The following CNTNAP2 variants were observed in gnomAD, a reference collection of about 807,000 sequenced individuals.
The protein encoded by CNTNAP2 is contactin associated protein 2, also known as contactin-associated protein-like 2.
Under a neutral mutation model 155.2 loss-of-function variants are expected in CNTNAP2, and 98 were observed. The observed-to-expected ratio is 0.63, with a 90% CI of 0.54 to 0.75. CNTNAP2 has a LOEUF of 0.75. Ranked by LOEUF, CNTNAP2 falls within the 30% of genes least tolerant of loss-of-function variation. The pLI, the probability that CNTNAP2 is intolerant of heterozygous loss-of-function variation, is 0.00. For synonymous variants in CNTNAP2, 651 were observed against 631.2 expected (o/e 1.03, Z -0.47); for missense variants, 1,727 against 1,688.1 (o/e 1.02, Z -0.40).
At chr7:147,626,166 A>G (rs1794971466) in intron 12 of CNTNAP2, among the ~76,000 whole-genome samples, 1 of 152,064 alleles carries the variant, frequency 6.6e-6, no homozygotes, top group Non-Finnish European at 1.5e-5. Context: ...TCTCAGGTGA[A>G]GTCCAGGAGA....
At chr7:146,475,462 A>G (rs1249305403) in intron 1 of CNTNAP2, among the ~76,000 whole-genome samples, 5 of 152,214 alleles carry the variant, frequency 3.3e-5, no homozygotes, top group Non-Finnish European at 7.3e-5. Flanking sequence ...TAGGCAGAAA[A>G]AAATATAGAG....
chr7:146,541,081 T>C (rs2129141033), intron 1 of CNTNAP2, among the ~76,000 whole-genome samples: 1 of 152,118 alleles, frequency 6.6e-6, no homozygotes, highest in African/African-American at 2.4e-5. Context: ...TTTCAGAACA[T>C]ACTGAAACAG....
intron 8 of CNTNAP2, among the ~76,000 whole-genome samples, chr7:147,142,699 A>T (rs1801623137): frequency 6.6e-6 from 1 of 152,166 alleles, no homozygotes; most frequent in Non-Finnish European, 1.5e-5. Context: ...ACATGTATAC[A>T]TATGTAACTA....
chr7:147,475,854 A>C (rs1044901311), intron 10 of CNTNAP2, among the ~76,000 whole-genome samples: 16 of 152,206 alleles, frequency 1.1e-4, no homozygotes, highest in Non-Finnish European at 2.4e-4. Context: ...ATTGTCTTAC[A>C]TCATTTACTA....
chr7:146,353,373 A>G (rs540557800), intron 1 of CNTNAP2, among the ~76,000 whole-genome samples: 3 of 152,234 alleles, frequency 2.0e-5, no homozygotes, highest in African/African-American at 7.2e-5. Context: ...ATTATGGATC[A>G]TATTTCACTC....
chr7:146,291,343 T>C lies in CNTNAP2; in HGVS notation c.97+174370T>C, dbSNP rs574543788. 1.5e-4 allele frequency among the ~76,000 whole-genome samples: 23 copies of C among 152,204 alleles called. 1 individual carries two copies. The highest frequency in any genetic ancestry group is 1.5e-4 in the Non-Finnish European group (10 of 68,036). ...TTGAGCTAAAAATGATTTTTAAATT[T>C]ATAAATGATTGAAAGAATAAAAGGA... On this transcript the variant is annotated intron_variant, in intron 1 of 23. Coordinates refer to ENST00000361727, the MANE Select transcript of CNTNAP2 (RefSeq NM_014141.6).
At chr7:147,842,295 A>C (rs1253662723) in intron 13 of CNTNAP2, among the ~76,000 whole-genome samples, 1 of 152,254 alleles carries the variant, frequency 6.6e-6, no homozygotes, top group Admixed American at 6.5e-5. Flanking sequence ...ATAAGCAATT[A>C]GTCCCTTACA....
chr7:147,396,358 A>G (rs138254922), intron 10 of CNTNAP2, among the ~76,000 whole-genome samples: 2 of 151,848 alleles, frequency 1.3e-5, no homozygotes, highest in Admixed American at 6.6e-5. Context: ...TTCTGTCTCA[A>G]TCATGACTTG....
At chr7:146,458,559 A>G (rs1304402892) in intron 1 of CNTNAP2, among the ~76,000 whole-genome samples, 2 of 152,188 alleles carry the variant, frequency 1.3e-5, no homozygotes, top group African/African-American at 4.8e-5. Context: ...TAGATTTTAC[A>G]TATGTCCTAT....
chr7:146,959,290 C>G (rs1412601406), intron 3 of CNTNAP2, among the ~76,000 whole-genome samples: 3 of 152,182 alleles, frequency 2.0e-5, no homozygotes, highest in South Asian at 2.1e-4. Context: ...AGTGAGCCAC[C>G]GCGCCAGGCC....
At chr7:146,969,021 C>T (rs1165930176) in intron 3 of CNTNAP2, among the ~76,000 whole-genome samples, 4 of 149,630 alleles carry the variant, frequency 2.7e-5, no homozygotes, top group South Asian at 2.1e-4. Flanking sequence ...TCTTTGTTCT[C>T]GTTGGTTTCA....
intron 14 of CNTNAP2, among the ~76,000 whole-genome samples, chr7:147,939,153 T>A (rs893519772): frequency 5.9e-5 from 9 of 152,144 alleles, no homozygotes; most frequent in Admixed American, 2.0e-4. Flanking sequence ...AAAAAGATGT[T>A]CGCATAAACT....
intron 21 of CNTNAP2, among the ~76,000 whole-genome samples, chr7:148,365,101 C>T (rs1798713260): frequency 6.6e-6 from 1 of 152,196 alleles, no homozygotes; most frequent in Non-Finnish European, 1.5e-5. Flanking sequence ...AAGAACCCAC[C>T]AGTTCCGGAC....
intron 1 of CNTNAP2, among the ~76,000 whole-genome samples, chr7:146,328,841 A>C (rs919374349): frequency 6.6e-6 from 1 of 152,166 alleles, no homozygotes; most frequent in Non-Finnish European, 1.5e-5. Context: ...TGTCAGATTG[A>C]TCCATGTTGT....
chr7:148,054,631 C>CT (rs1802974410), intron 15 of CNTNAP2, among the ~76,000 whole-genome samples: 1 of 151,998 alleles, frequency 6.6e-6, no homozygotes, highest in Admixed American at 6.6e-5. Flanking sequence ...CAGAGGCCAA[C>CT]TCTTTTCCTT....
chr7:146,457,481 A>AATATATATAT (rs200909725), intron 1 of CNTNAP2, among the ~76,000 whole-genome samples: 2 of 87,308 alleles, frequency 2.3e-5, no homozygotes, highest in African/African-American at 1.0e-4. Flanking sequence ...TTCAAAAATG[A>AATATATATAT]ATATATATAT....
intron 1 of CNTNAP2, among the ~76,000 whole-genome samples, chr7:146,504,045 A>G (rs962617371): frequency 6.6e-6 from 1 of 152,240 alleles, no homozygotes. Context: ...AAATGTGATT[A>G]CATAGTGCGC....
chr7:147,518,895 G>C (rs1159954363), intron 11 of CNTNAP2, among the ~76,000 whole-genome samples: 1 of 151,970 alleles, frequency 6.6e-6, no homozygotes, highest in African/African-American at 2.4e-5. Context: ...GCAGGGAGTG[G>C]TGGCGGGCGC....
intron 1 of CNTNAP2, among the ~76,000 whole-genome samples, chr7:146,262,376 A>G (rs10246162): frequency 0.037 from 5,603 of 152,204 alleles, 155 homozygotes; most frequent in African/African-American, 0.076. Flanking sequence ...ACATTTTTTC[A>G]AAATGGCCTA....
Sources: allele counts gnomAD v4.1 joint callset (sites outside exome capture counted in the v4.1 genomes callset), GRCh38; gene constraint gnomAD v4.1.1; transcripts MANE v1.5; gene names NCBI Gene and HGNC (gene_info 2026-07-23, HGNC 2026-07-21).